MEMO1: variants seen among roughly 807,000 people sequenced by gnomAD.
The protein encoded by MEMO1 is mediator of cell motility 1, also known as protein MEMO1.
Under a neutral mutation model 45.2 loss-of-function variants are expected in MEMO1, and 6 were observed. That is an observed-to-expected ratio of 0.13 (90% CI 0.07 to 0.26). MEMO1 has a LOEUF of 0.26. Ranked by LOEUF, MEMO1 falls within the 10% of genes least tolerant of loss-of-function variation. MEMO1 has a pLI of 1.00. For synonymous variants in MEMO1, 78 were observed against 124.3 expected, an observed-to-expected ratio of 0.63 and a Z score of 2.48; for missense variants, 184 against 370.5, an observed-to-expected ratio of 0.50 and a Z score of 4.13.
intron 2 of MEMO1, among the ~76,000 whole-genome samples, chr2:31,974,527 A>C (rs763967390): frequency 5.3e-5 from 8 of 152,152 alleles, no homozygotes; most frequent in Non-Finnish European, 1.0e-4. Context: ...CAGGTGGATC[A>C]CGAGGTCAAC....
chr2:31,956,891 C>A (rs191129409), intron 2 of MEMO1, among the ~76,000 whole-genome samples: 33 of 152,222 alleles, frequency 2.2e-4, no homozygotes, highest in African/African-American at 7.0e-4. Context: ...CGCCTCTAAT[C>A]CCAGCACTTT....
chr2:31,978,369 G>A (rs549945682), intron 2 of MEMO1, among the ~76,000 whole-genome samples: 2 of 152,202 alleles, frequency 1.3e-5, no homozygotes, highest in East Asian at 3.9e-4. Context: ...CCCTGAGCAA[G>A]ACAGCAAGAC....
At chr2:31,966,547 A>T (rs532217147) in intron 2 of MEMO1, among the ~76,000 whole-genome samples, 1 of 152,254 alleles carries the variant, frequency 6.6e-6, no homozygotes, top group East Asian at 1.9e-4. Context: ...GCTGGCCAAC[A>T]TGAGGAAACC....
At chr2:31,976,010 CCT>C (rs1669962635) in intron 2 of MEMO1, among the ~76,000 whole-genome samples, 1 of 152,134 alleles carries the variant, frequency 6.6e-6, no homozygotes, top group East Asian at 1.9e-4. Flanking sequence ...TCTGCCTCAG[CCT>C]CCCGAGTAGC....
intron 2 of MEMO1, among the ~76,000 whole-genome samples, chr2:31,984,016 C>T (rs770181942): frequency 2.0e-5 from 3 of 152,146 alleles, no homozygotes; most frequent in Non-Finnish European, 4.4e-5. Flanking sequence ...TGAGTCCATA[C>T]GGATATAAAT....
At chr2:31,868,853 G>C (rs1334158713) in intron 9 of MEMO1, among the ~76,000 whole-genome samples, 1 of 152,012 alleles carries the variant, frequency 6.6e-6, no homozygotes, top group Non-Finnish European at 1.5e-5. Flanking sequence ...GTCTTTATCT[G>C]ACTTTGACTA....
In MEMO1 at chr2:31,913,248, C is replaced by CAAAAA. The variant is rs3065389; in HGVS notation, c.437+4673_437+4677dup. ...CTGGTGACAGAGCGAGACTCCGTCT[C>CAAAAA]AAAAAAAAAAAAAAAAAAAAAAGCA... is the stretch of plus-strand genomic sequence containing the variant. On this transcript the variant is annotated intron_variant, in intron 6 of 9. Coordinates refer to ENST00000404530, the MANE Select transcript of MEMO1 (RefSeq NM_001301833.4). Among the ~76,000 whole-genome samples, 148 of 44,294 alleles carry CAAAAA rather than the reference C, an allele frequency of 3.3e-3. 3 individuals carry two copies. The highest frequency in any genetic ancestry group is 8.9e-3 in the African/African-American group (109 of 12,300). The allele number at this position is 44,294 out of a possible 152,430, so 29.1% of individuals were successfully genotyped here.
At chr2:31,884,141 C>T (rs1469466079) in intron 7 of MEMO1, among the ~76,000 whole-genome samples, 1 of 151,966 alleles carries the variant, frequency 6.6e-6, no homozygotes, top group East Asian at 1.9e-4. Flanking sequence ...TTTGGCTATT[C>T]TCCAAAGAAT....
chr2:31,960,889 T>A (rs1166714627), intron 2 of MEMO1, among the ~76,000 whole-genome samples: 1 of 152,044 alleles, frequency 6.6e-6, no homozygotes, highest in East Asian at 1.9e-4. Context: ...CCTGGCCAAA[T>A]CTTCTCAATT....
At chr2:31,901,818 G>A (rs1449904038) in intron 6 of MEMO1, among the ~76,000 whole-genome samples, 1 of 151,354 alleles carries the variant, frequency 6.6e-6, no homozygotes, top group Non-Finnish European at 1.5e-5. Flanking sequence ...CGGAGGCAGG[G>A]GAATTGCTTG....
intron 4 of MEMO1, among the ~76,000 whole-genome samples, chr2:31,930,808 G>A (rs1404635487): frequency 7.1e-6 from 1 of 141,156 alleles, no homozygotes; most frequent in Non-Finnish European, 1.5e-5. Context: ...ACCACGCCTG[G>A]CAATTTTTTT....
rs139782928 is a variant in MEMO1 at position 31,910,048 on chromosome 2, T to C, written c.437+7878A>G. ...ATAAAAATGATAAGAAACATAAAAATGATAAGAATTATGTAAGATTTCTCT... is the reference window on the plus strand; with the variant it reads ...ATAAAAATGATAAGAAACATAAAAACGATAAGAATTATGTAAGATTTCTCT... On this transcript the variant is annotated intron_variant, in intron 6 of 9. Coordinates refer to ENST00000404530, the MANE Select transcript of MEMO1 (RefSeq NM_001301833.4). Among the ~76,000 whole-genome samples the C allele has an allele frequency of 2.8e-4, 42 of 152,046 alleles. No homozygotes were observed. In the East Asian group the frequency reaches 8.1e-3, roughly 29 times the overall value.
Position 31,886,198 on chromosome 2 carries a change from G to A in MEMO1, c.581-2736C>T, listed in dbSNP as rs17011672. Among the ~76,000 whole-genome samples the A allele has an allele frequency of 9.0e-3, 1,364 of 152,196 alleles. 21 individuals carry two copies. Among genetic ancestry groups the A allele is most frequent in the African/African-American group, 0.031 (1,302 of 41,528 alleles). On this transcript the variant is annotated intron_variant, in intron 7 of 9. Transcript: ENST00000404530. ...TTTGAAGGACTCTAAAGAATGTTTC[G>A]ATTAAGTAGCTAAATCCACACTACA...
chr2:31,928,536 G>A (rs1407172676), intron 4 of MEMO1, among the ~76,000 whole-genome samples: 1 of 108,484 alleles, frequency 9.2e-6, no homozygotes, highest in African/African-American at 3.6e-5. Flanking sequence ...GACAAAGAGA[G>A]ACTCCATCTC....
intron 2 of MEMO1, among the ~76,000 whole-genome samples, chr2:31,999,659 G>C (rs1424629652): frequency 6.6e-6 from 1 of 152,106 alleles, no homozygotes; most frequent in Non-Finnish European, 1.5e-5. Context: ...AACAGAGCAA[G>C]ACCCTGTCTC....
In MEMO1 at chr2:31,924,354, T is replaced by C. The variant is rs560975522; in HGVS notation, c.213-3444A>G. 1.7e-4 allele frequency among the ~76,000 whole-genome samples: 26 copies of C among 152,090 alleles called. 1 individual carries two copies. In the East Asian group the frequency reaches 4.6e-3, roughly 27 times the overall value. ...TAAATAATAGAGGCATTAGAAGCAA[T>C]GCCACTTTCTCTTCCTTTATTTGAC... On this transcript the variant is annotated intron_variant, in intron 4 of 9. Transcript: ENST00000404530.
chr2:32,001,032 A>ATTTTTTTT (rs66617379), intron 2 of MEMO1, among the ~76,000 whole-genome samples: 41 of 104,528 alleles, frequency 3.9e-4, no homozygotes, highest in Non-Finnish European at 4.7e-4. Flanking sequence ...ATAAATTTTG[A>ATTTTTTTT]TTTTTTTTTT....
intron 2 of MEMO1, among the ~76,000 whole-genome samples, chr2:31,991,555 G>A (rs1572913699): frequency 9.6e-6 from 1 of 104,060 alleles, no homozygotes. Context: ...TGGGCAACAA[G>A]AGCAAAACTC....
At chr2:31,931,963 A>C (rs1664232484) in intron 4 of MEMO1, 104 bp downstream of exon 4, 3 of 927,146 alleles carry the variant, frequency 3.2e-6, no homozygotes, top group Non-Finnish European at 5.0e-6. Flanking sequence ...ATCCCTCATG[A>C]AATTGAGTAC....
Sources: allele counts gnomAD v4.1 joint callset (sites outside exome capture counted in the v4.1 genomes callset), GRCh38; gene constraint gnomAD v4.1.1; transcripts MANE v1.5; gene names NCBI Gene and HGNC (gene_info 2026-07-23, HGNC 2026-07-21).